PCCA: variants seen among roughly 807,000 people sequenced by gnomAD.
PCCA encodes the protein propionyl-CoA carboxylase subunit alpha, also known as propionyl-CoA carboxylase alpha chain, mitochondrial.
Under a neutral mutation model 101.3 loss-of-function variants are expected in PCCA, and 74 were observed. That is an observed-to-expected ratio of 0.73 (90% CI 0.61 to 0.89). The LOEUF (loss-of-function observed/expected upper bound fraction) is 0.89. Ranked by LOEUF, PCCA falls within the 40% of genes least tolerant of loss-of-function variation. The pLI, the probability that PCCA is intolerant of heterozygous loss-of-function variation, is 0.00. For missense variants in PCCA, 891 were observed against 907.0 expected, an observed-to-expected ratio of 0.98 and a Z score of 0.23; for synonymous variants, 294 against 313.6, an observed-to-expected ratio of 0.94 and a Z score of 0.66.
chr13:100,167,466 CT>C (rs1017478070), intron 6 of PCCA, among the ~76,000 whole-genome samples: 22 of 152,208 alleles, frequency 1.4e-4, no homozygotes, highest in Non-Finnish European at 2.8e-4. Flanking sequence ...GGGAGGATCA[CT>C]TGAGCCTTGG....
At chr13:100,254,844 G>A (rs761925682) in intron 8 of PCCA, among the ~76,000 whole-genome samples, 1 of 152,034 alleles carries the variant, frequency 6.6e-6, no homozygotes, top group Non-Finnish European at 1.5e-5. Context: ...CACTTTGGGA[G>A]GCCAAAGCGG....
intron 19 of PCCA, among the ~76,000 whole-genome samples, chr13:100,414,415 G>T (rs1292556276): frequency 6.6e-6 from 1 of 152,228 alleles, no homozygotes; most frequent in South Asian, 2.1e-4. Flanking sequence ...GGTAAAGAAA[G>T]CCTCCCCTTT....
chr13:100,173,916 C>G (rs2055974079), intron 6 of PCCA, among the ~76,000 whole-genome samples: 1 of 152,188 alleles, frequency 6.6e-6, no homozygotes, highest in Non-Finnish European at 1.5e-5. Context: ...GTAAGACATG[C>G]CTTTACTCCG....
At chr13:100,528,564 A>G (rs1230263163) in intron 23 of PCCA, among the ~76,000 whole-genome samples, 2 of 152,222 alleles carry the variant, frequency 1.3e-5, no homozygotes, top group Non-Finnish European at 2.9e-5. Context: ...TGCAGAAGGC[A>G]ATGAAATGGA....
At chr13:100,321,106 C>T (rs1004729994) in intron 16 of PCCA, among the ~76,000 whole-genome samples, 1 of 152,300 alleles carries the variant, frequency 6.6e-6, no homozygotes, top group East Asian at 1.9e-4. Context: ...TTTTCCTTCC[C>T]AGCCAGGAAA....
intron 18 of PCCA, among the ~76,000 whole-genome samples, chr13:100,347,169 C>G (rs971832711): frequency 8.5e-5 from 13 of 152,200 alleles, no homozygotes; most frequent in African/African-American, 3.1e-4. Context: ...GCCACCACGC[C>G]AGCCTAAACT....
At chr13:100,300,808 A>C (rs763713870) in intron 12 of PCCA, among the ~76,000 whole-genome samples, 12 of 152,260 alleles carry the variant, frequency 7.9e-5, no homozygotes, top group Non-Finnish European at 1.2e-4. Context: ...AGGTACATGC[A>C]TGACAGCATC....
In PCCA at chr13:100,451,384, C is replaced by A. The variant is rs545669610; in HGVS notation, c.1899+2079C>A. ...ATAATTCTTCCAGAAAATTATGCAT[C>A]TTTTCATGCAATAATAGATCTTGGA... On this transcript the variant is annotated intron_variant, in intron 21 of 23. Transcript: ENST00000376285. Among the ~76,000 whole-genome samples the A allele has an allele frequency of 2.6e-5, 4 of 152,264 alleles. No individual in the cohort carries two copies. In the East Asian group the frequency reaches 7.7e-4, roughly 29 times the overall value.
intron 19 of PCCA, among the ~76,000 whole-genome samples, chr13:100,395,285 G>A (rs894812299): frequency 6.6e-6 from 1 of 152,114 alleles, no homozygotes; most frequent in Non-Finnish European, 1.5e-5. Flanking sequence ...AGAATCTGTA[G>A]GCTTATATTT....
rs144733824 is a variant in PCCA at position 100,363,455 on chromosome 13, A to C, written c.1644-5017A>C. 3.9e-5 allele frequency among the ~76,000 whole-genome samples: 6 copies of C among 152,080 alleles called. No individual in the cohort carries two copies. The South Asian group carries it at 1.2e-3, about 32-fold the overall frequency. ...AGCTGGTTCTGTCTACCCCCACTGAATACATCTATGTGCTTGCATAACATA... is the reference window on the plus strand; with the variant it reads ...AGCTGGTTCTGTCTACCCCCACTGACTACATCTATGTGCTTGCATAACATA... On this transcript the variant is annotated intron_variant, in intron 18 of 23. Transcript: ENST00000376285.
intron 21 of PCCA, among the ~76,000 whole-genome samples, chr13:100,470,973 G>T (rs1261478739): frequency 6.6e-6 from 1 of 152,152 alleles, no homozygotes; most frequent in Admixed American, 6.5e-5. Flanking sequence ...TTTTTCCTTT[G>T]CATTTACAAC....
chr13:100,297,748 T>C (rs529374181), intron 12 of PCCA, among the ~76,000 whole-genome samples: 1 of 152,306 alleles, frequency 6.6e-6, no homozygotes, highest in South Asian at 2.1e-4. Context: ...AGGGTGATTA[T>C]GGCATGAGAT....
At chr13:100,207,420 C>T (rs1285920657) in intron 6 of PCCA, among the ~76,000 whole-genome samples, 1 of 151,978 alleles carries the variant, frequency 6.6e-6, no homozygotes, top group Non-Finnish European at 1.5e-5. Context: ...CTCGCTCTGT[C>T]GCCAGGCTGG....
At chr13:100,329,227 T>C (rs1048412648) in intron 16 of PCCA, among the ~76,000 whole-genome samples, 2 of 152,160 alleles carry the variant, frequency 1.3e-5, no homozygotes, top group African/African-American at 4.8e-5. Flanking sequence ...AATTTATATT[T>C]AGAGTATGGA....
chr13:100,383,411 G>T (rs1358387377), intron 19 of PCCA, among the ~76,000 whole-genome samples: 1 of 152,018 alleles, frequency 6.6e-6, no homozygotes, highest in African/African-American at 2.4e-5. Context: ...AGGATCACTT[G>T]AGCCCAGGAG....
At chr13:100,246,635 A>T (rs572654059) in intron 8 of PCCA, among the ~76,000 whole-genome samples, 1 of 152,026 alleles carries the variant, frequency 6.6e-6, no homozygotes, top group African/African-American at 2.4e-5. Context: ...GCCTAGTGAT[A>T]TATTTCTAAA....
intron 1 of PCCA, among the ~76,000 whole-genome samples, chr13:100,094,202 T>A (rs966574322): frequency 2.3e-5 from 3 of 130,250 alleles, no homozygotes; most frequent in African/African-American, 9.0e-5. Flanking sequence ...CACTCCAGCC[T>A]GGGCAACAAG....
At chr13:100,163,132 G>A (rs1036563520) in intron 6 of PCCA, among the ~76,000 whole-genome samples, 2 of 152,188 alleles carry the variant, frequency 1.3e-5, no homozygotes, top group Admixed American at 6.5e-5. Context: ...ATGTAGATAG[G>A]TCAGATACTT....
chr13:100,506,659 T>TG (rs900971610), intron 21 of PCCA, among the ~76,000 whole-genome samples: 3 of 152,054 alleles, frequency 2.0e-5, no homozygotes, highest in Non-Finnish European at 4.4e-5. Context: ...TGCTCCAACC[T>TG]GGGGGGGACT....
Sources: gnomAD v4.1 joint callset for allele counts (sites outside exome capture counted in the v4.1 genomes callset) on GRCh38, gnomAD v4.1.1 for gene constraint, MANE v1.5 for transcripts, NCBI Gene and HGNC (gene_info 2026-07-23, HGNC 2026-07-21) for gene names.